The following MIS18BP1 variants were observed in gnomAD, a reference collection of about 807,000 sequenced individuals.
MIS18BP1 encodes the protein mis18-binding protein 1.
A neutral mutation model predicts 116.1 loss-of-function variants in MIS18BP1; 72 were observed. The ratio of observed to expected loss-of-function variants is 0.62; its 90% CI spans 0.51 to 0.75. The LOEUF (loss-of-function observed/expected upper bound fraction) is 0.75. MIS18BP1 is among the 30% of genes least tolerant of loss of function. The pLI is 0.00. For synonymous variants in MIS18BP1, 386 were observed against 427.0 expected (o/e 0.90, Z 1.18); for missense variants, 1,363 against 1,303.2 (o/e 1.05, Z -0.71).
In MIS18BP1 at chr14:45,217,171, C is replaced by T. The variant is rs753555319; in HGVS notation, c.2851G>A (p.Gly951Ser). ...ATAGTTTGTTTCTGATCAGCATCAC[C>T]TCTCTTGCCTTAAGAGTCAGCAAAC... The part of the protein sequence containing the change: ...ANSKGQNGKR[G>S]DADQKQTIKI... Residue 951 changes from glycine to serine, a missense_variant, in exon 13 of 17, where the codon GGT (glycine) becomes AGT (serine). Coordinates refer to ENST00000310806, the MANE Select transcript of MIS18BP1 (RefSeq NM_018353.5). 4.3e-6 allele frequency: 7 copies of T among 1,613,634 alleles called. No homozygotes were observed. The African/African-American group carries it at 6.7e-5, about 15-fold the overall frequency.
intron 4 of MIS18BP1, among the ~76,000 whole-genome samples, chr14:45,238,754 G>A (rs1180518309): frequency 5.3e-5 from 8 of 152,216 alleles, no homozygotes; most frequent in Non-Finnish European, 1.0e-4. Flanking sequence ...GAGCTTGGGA[G>A]GTCGAGGCTT....
chr14:45,208,118 A>G (rs1280019915), intron 14 of MIS18BP1, among the ~76,000 whole-genome samples: 1 of 152,210 alleles, frequency 6.6e-6, no homozygotes, highest in Non-Finnish European at 1.5e-5. Context: ...ACTACTATCC[A>G]CTGGACATTT....
chr14:45,236,993 G>A (rs1891446459), intron 5 of MIS18BP1, among the ~76,000 whole-genome samples: 1 of 149,826 alleles, frequency 6.7e-6, no homozygotes, highest in Non-Finnish European at 1.5e-5. Context: ...TTACATATGA[G>A]TACCTTAAAC....
chr14:45,217,033 G>C lies in MIS18BP1; in HGVS notation c.2989C>G (p.His997Asp), dbSNP rs1283773138. 6.2e-7 allele frequency: 1 copy of C among 1,613,866 alleles called. No individual in the cohort carries two copies. Residue 997 changes from histidine to aspartate, a missense_variant, in exon 13 of 17, where the codon CAT becomes GAT. By Grantham distance (81) the His-to-Asp change is moderately conservative. Transcript: ENST00000310806. Reference protein sequence around the residue: ...DDFFSTTPLQHQRILLPSFQD... With the variant: ...DDFFSTTPLQDQRILLPSFQD... ...ATGCCTCTTACCAGTATTCTTTGATGCTGTAAAGGTGTTGTACTGAAAAAA... is the reference window on the plus strand; with the variant it reads ...ATGCCTCTTACCAGTATTCTTTGATCCTGTAAAGGTGTTGTACTGAAAAAA...
intron 6 of MIS18BP1, 93 bp from the exon 7 acceptor site, chr14:45,232,913 C>G (rs1891328926): frequency 1.5e-6 from 1 of 654,170 alleles, no homozygotes. Context: ...GAAATATGCA[C>G]CTATTGCTTA....
At position 45,248,150 on chromosome 14, in the gene MIS18BP1, G is replaced by A. The variant is rs182136546; in HGVS notation, c.-91-773C>T. Among the ~76,000 whole-genome samples, 23 of 139,844 alleles carry A rather than the reference G, an allele frequency of 1.6e-4. No individual in the cohort carries two copies. In the East Asian group the frequency reaches 4.3e-3, roughly 26 times the overall value. The allele number at this position is 139,844 out of a possible 152,430, so 91.7% of individuals were successfully genotyped here. A position where few individuals can be genotyped will look rare whatever the true frequency, so the allele number is the denominator to read the frequency against. On this transcript the variant is annotated intron_variant, in intron 1 of 16. Coordinates refer to ENST00000310806, the MANE Select transcript of MIS18BP1 (RefSeq NM_018353.5). ...GTGATCTCAGCTCACCACAACCTCC[G>A]CCTCCCAGGTTCAAGCAATTCTCCT...
At chr14:45,225,397 T>G (rs74900990) in intron 10 of MIS18BP1, among the ~76,000 whole-genome samples, 1 of 152,190 alleles carries the variant, frequency 6.6e-6, no homozygotes. Context: ...TTTTTTTTTT[T>G]GCTGGAGTTA....
intron 2 of MIS18BP1, among the ~76,000 whole-genome samples, chr14:45,245,290 G>A (rs1288478627): frequency 6.6e-6 from 1 of 151,938 alleles, no homozygotes; most frequent in African/African-American, 2.4e-5. Flanking sequence ...CATTCTCTTG[G>A]CTTTCACAGT....
chr14:45,219,019 C>G (rs529648737), intron 11 of MIS18BP1, among the ~76,000 whole-genome samples: 5 of 152,160 alleles, frequency 3.3e-5, no homozygotes, highest in African/African-American at 9.6e-5. Flanking sequence ...AATTTAACAT[C>G]TGAGTTGCAT....
At chr14:45,232,549 C>T (rs1237178632) in intron 7 of MIS18BP1, 184 bp downstream of exon 7, 1 of 561,448 alleles carries the variant, frequency 1.8e-6, no homozygotes, top group Non-Finnish European at 3.3e-6. Flanking sequence ...AATCCCAACA[C>T]TTTGGGAGGC....
chr14:45,242,248 G>A lies in MIS18BP1; in HGVS notation c.929C>T (p.Thr310Ile), dbSNP rs1352551768. Residue 310 changes from threonine (T) to isoleucine (I), a missense_variant, in exon 4 of 17, where the codon ACA (threonine) becomes ATA (isoleucine). By Grantham distance (89) the Thr-to-Ile change is moderately conservative. Coordinates refer to ENST00000310806, the MANE Select transcript of MIS18BP1 (RefSeq NM_018353.5). ...AACTTTCTGTTGCGAAGTCCCTTCT[G>A]TTGTCCTCTCACTATCAGAAACCAT... ...LLMVSDSERT[T>I]EGTSQQKVKE... 1 of 1,614,000 alleles carries A rather than the reference G, an allele frequency of 6.2e-7. No individual in the cohort carries two copies. The highest frequency in any genetic ancestry group is 1.1e-5 in the South Asian group (1 of 91,074).
intron 11 of MIS18BP1, among the ~76,000 whole-genome samples, chr14:45,220,395 C>A (rs1482457206): frequency 6.6e-6 from 1 of 152,118 alleles, no homozygotes; most frequent in East Asian, 1.9e-4. Context: ...CTACCCAAGA[C>A]TCATATCAAA....
chr14:45,226,185 T>C lies in MIS18BP1; in HGVS notation c.1840+558A>G, dbSNP rs537634786. ...AGCTATCTTGGATACTTAAACCGAA[T>C]ATGAACTCGGAAGTATAAGTAGCAC... On this transcript the variant is annotated intron_variant, in intron 10 of 16. Transcript: ENST00000310806. Among the ~76,000 whole-genome samples, 112 of 152,310 alleles carry C rather than the reference T, an allele frequency of 7.4e-4. No homozygotes were observed. In the Middle Eastern group the frequency reaches 0.01, roughly 14 times the overall value.
chr14:45,208,337 T>TG (rs1437250024), intron 14 of MIS18BP1, among the ~76,000 whole-genome samples: 1 of 149,752 alleles, frequency 6.7e-6, no homozygotes, highest in Non-Finnish European at 1.5e-5. Context: ...GTTGTTTTTT[T>TG]TTTTTTTTTT....
chr14:45,220,232 G>A (rs1220867516), intron 11 of MIS18BP1, among the ~76,000 whole-genome samples: 3 of 151,998 alleles, frequency 2.0e-5, no homozygotes, highest in Admixed American at 2.0e-4. Context: ...TTAGTGGTTG[G>A]CACTACAGGC....
intron 13 of MIS18BP1, among the ~76,000 whole-genome samples, 199 bp downstream of exon 13, chr14:45,216,820 T>G (rs1230120043): frequency 6.6e-6 from 1 of 152,228 alleles, no homozygotes; most frequent in Non-Finnish European, 1.5e-5. Context: ...AACATTACCT[T>G]TGAACCAACT....
chr14:45,229,584 T>A (rs1891220397), intron 8 of MIS18BP1, among the ~76,000 whole-genome samples: 1 of 152,178 alleles, frequency 6.6e-6, no homozygotes, highest in Non-Finnish European at 1.5e-5. Flanking sequence ...TTTAGTCTTT[T>A]AAATTTGTAT....
intron 6 of MIS18BP1, among the ~76,000 whole-genome samples, chr14:45,235,116 A>G (rs1490752832): frequency 2.0e-5 from 3 of 151,382 alleles, no homozygotes; most frequent in African/African-American, 4.9e-5. Flanking sequence ...TGAGGCATGA[A>G]TAATCGCTTG....
chr14:45,249,375 CTGAGT>C (rs1456070068), intron 1 of MIS18BP1, among the ~76,000 whole-genome samples: 1 of 151,972 alleles, frequency 6.6e-6, no homozygotes, highest in African/African-American at 2.4e-5. Context: ...CATGAGCCAC[CTGAGT>C]TATGTTTTTT....
Sources: gnomAD v4.1 joint callset for allele counts (sites outside exome capture counted in the v4.1 genomes callset) on GRCh38, gnomAD v4.1.1 for gene constraint, MANE v1.5 for transcripts, NCBI Gene and HGNC (gene_info 2026-07-23, HGNC 2026-07-21) for gene names.